The following RBFOX1 variants were observed in gnomAD, a reference collection of about 807,000 sequenced individuals.
RBFOX1 encodes RNA binding fox-1 homolog 1.
RBFOX1 carries 8 observed loss-of-function variants against 57.7 expected under a neutral mutation model. That is an observed-to-expected ratio of 0.14 (90% confidence interval 0.08 to 0.25). The LOEUF is 0.25. Ranked by LOEUF, RBFOX1 falls within the 10% of genes least tolerant of loss-of-function variation. RBFOX1 has a pLI of 1.00. For synonymous variants in RBFOX1, 326 were observed against 222.4 expected (o/e 1.47, Z -4.15); for missense variants, 611 against 548.5 (o/e 1.11, Z -1.14).
intron 2 of RBFOX1, among the ~76,000 whole-genome samples, chr16:5,545,913 A>G (rs896659995): frequency 6.6e-6 from 1 of 152,186 alleles, no homozygotes; most frequent in African/African-American, 2.4e-5. Flanking sequence ...AGCAAGATCT[A>G]TTATAAAATC....
rs574557016 is a variant in RBFOX1, at chr16:7,207,460, C to T, written c.27+155362C>T. On this transcript the variant is annotated intron_variant, in intron 4 of 15. Transcript: ENST00000550418. ...GTCAAAACATAACATTTTATTAAAA[C>T]CACATCCAGTGCAACCCCCGGACTG... Among the ~76,000 whole-genome samples, 5 of 152,244 alleles carry T rather than the reference C, an allele frequency of 3.3e-5. No individual in the cohort carries two copies. The Middle Eastern group carries it at 0.014, about 414-fold the overall frequency.
chr16:6,193,415 T>C (rs2097159419), intron 1 of RBFOX1, among the ~76,000 whole-genome samples: 1 of 119,238 alleles, frequency 8.4e-6, no homozygotes, highest in Non-Finnish European at 1.7e-5. Context: ...TATATATATA[T>C]ATATATATAT....
At chr16:5,939,337 C>T (rs1470523438) in intron 4 of RBFOX1, among the ~76,000 whole-genome samples, 1 of 152,200 alleles carries the variant, frequency 6.6e-6, no homozygotes, top group African/African-American at 2.4e-5. Flanking sequence ...TTCTGAGGTT[C>T]AGGAATTTGG....
chr16:7,683,226 G>A (rs576608524), intron 14 of RBFOX1, among the ~76,000 whole-genome samples: 1 of 148,930 alleles, frequency 6.7e-6, no homozygotes, highest in Non-Finnish European at 1.5e-5. Flanking sequence ...TTAAAATTGG[G>A]TTTATGCATG....
intron 4 of RBFOX1, among the ~76,000 whole-genome samples, chr16:5,961,422 C>T (rs185050117): frequency 8.4e-4 from 128 of 152,036 alleles, no homozygotes; most frequent in Non-Finnish European, 2.9e-4. Context: ...ATTCTTAACC[C>T]TTACTTCACA....
At chr16:5,575,934 A>T (rs957825071) in intron 2 of RBFOX1, among the ~76,000 whole-genome samples, 32 of 151,982 alleles carry the variant, frequency 2.1e-4, no homozygotes, top group African/African-American at 7.5e-4. Flanking sequence ...AAGTGAAGAC[A>T]TCTGCTTCTT....
chr16:6,595,704 A>G (rs1345576928), intron 2 of RBFOX1, among the ~76,000 whole-genome samples: 2 of 152,110 alleles, frequency 1.3e-5, no homozygotes, highest in Non-Finnish European at 2.9e-5. Context: ...TTTTGTCCAC[A>G]TCGTCACGAA....
intron 2 of RBFOX1, among the ~76,000 whole-genome samples, chr16:6,641,860 G>A (rs1374507085): frequency 6.6e-6 from 1 of 150,900 alleles, no homozygotes; most frequent in Non-Finnish European, 1.5e-5. Context: ...TCCTTCTTTG[G>A]AGATTACCCA....
chr16:6,650,384 G>T (rs1476395584), intron 2 of RBFOX1, among the ~76,000 whole-genome samples: 1 of 152,106 alleles, frequency 6.6e-6, no homozygotes, highest in African/African-American at 2.4e-5. Context: ...CCACCTTGAG[G>T]AAAATAAAAT....
intron 4 of RBFOX1, among the ~76,000 whole-genome samples, chr16:7,339,092 C>T (rs977070617): frequency 6.6e-6 from 1 of 152,108 alleles, no homozygotes; most frequent in South Asian, 2.1e-4. Context: ...TCAAACAGGT[C>T]CAGGTTGATA....
chr16:6,529,599 C>G (rs955819060), intron 2 of RBFOX1, among the ~76,000 whole-genome samples: 1 of 151,320 alleles, frequency 6.6e-6, no homozygotes, highest in Middle Eastern at 3.4e-3. Flanking sequence ...ATTATTTATC[C>G]TAAATGTAAC....
At chr16:5,576,540 C>G (rs1316631828) in intron 2 of RBFOX1, among the ~76,000 whole-genome samples, 2 of 152,162 alleles carry the variant, frequency 1.3e-5, no homozygotes, top group Non-Finnish European at 2.9e-5. Context: ...CAGATGAATC[C>G]TATAAAGATG....
At chr16:5,254,419 GT>G (rs2062531730) in intron 1 of RBFOX1, among the ~76,000 whole-genome samples, 1 of 152,174 alleles carries the variant, frequency 6.6e-6, no homozygotes, top group Non-Finnish European at 1.5e-5. Flanking sequence ...TAAAATACCA[GT>G]TTTTCTGACT....
At chr16:5,950,174 A>G (rs1040267509) in intron 4 of RBFOX1, among the ~76,000 whole-genome samples, 14 of 152,224 alleles carry the variant, frequency 9.2e-5, no homozygotes, top group Non-Finnish European at 1.8e-4. Flanking sequence ...AGTGAAAAAT[A>G]AAAGTGTGAG....
chr16:6,355,697 G>A (rs988678066), intron 2 of RBFOX1, among the ~76,000 whole-genome samples: 1 of 152,146 alleles, frequency 6.6e-6, no homozygotes, highest in Non-Finnish European at 1.5e-5. Flanking sequence ...CTAGATACTT[G>A]AGGAATCACC....
chr16:7,004,460 T>A (rs936713475), intron 3 of RBFOX1, among the ~76,000 whole-genome samples: 9 of 152,132 alleles, frequency 5.9e-5, no homozygotes, highest in Admixed American at 4.6e-4. Flanking sequence ...AGCCTGGATT[T>A]GAAGGTTTGG....
At chr16:5,458,649 T>C (rs2068701651) in intron 1 of RBFOX1, among the ~76,000 whole-genome samples, 1 of 152,236 alleles carries the variant, frequency 6.6e-6, no homozygotes, top group Admixed American at 6.5e-5. Context: ...TTGAAGGAAG[T>C]GCTTTCAGGT....
Position 7,701,104 on chromosome 16 carries a change from G to C in RBFOX1, c.996-7952G>C, listed in dbSNP as rs565042956. On this transcript the variant is annotated intron_variant, in intron 14 of 15. Coordinates refer to ENST00000550418, the MANE Select transcript of RBFOX1 (RefSeq NM_018723.4). ...CACGAGGTTGAAAAATGTGCTAAGT[G>C]ATTTCTGAAGTTAAGCGCTTTAAAG... Among the ~76,000 whole-genome samples, 35 of 150,338 alleles carry C rather than the reference G, an allele frequency of 2.3e-4. 1 individual carries two copies. Among genetic ancestry groups the C allele is most frequent in the South Asian group, 1.2e-3 (6 of 4,820 alleles).
At chr16:6,575,679 G>C (rs1284004626) in intron 2 of RBFOX1, among the ~76,000 whole-genome samples, 1 of 151,996 alleles carries the variant, frequency 6.6e-6, no homozygotes, top group African/African-American at 2.4e-5. Context: ...TCAATGTGGT[G>C]AAACACTGTC....
Sources: gnomAD v4.1 joint callset for allele counts (sites outside exome capture counted in the v4.1 genomes callset) on GRCh38, gnomAD v4.1.1 for gene constraint, MANE v1.5 for transcripts, NCBI Gene and HGNC (gene_info 2026-07-23, HGNC 2026-07-21) for gene names.